The following CFLAR variants were observed in gnomAD, a reference collection of about 807,000 sequenced individuals.
CFLAR encodes the protein CASP8 and FADD like apoptosis regulator, also known as CASP8 and FADD-like apoptosis regulator.
In CFLAR, 14 loss-of-function variants were observed where a neutral mutation model predicts 51.1. The ratio of observed to expected loss-of-function variants is 0.27; its 90% CI spans 0.18 to 0.43. The LOEUF (loss-of-function observed/expected upper bound fraction) is 0.43. Ranked by LOEUF, CFLAR falls within the 20% of genes least tolerant of loss-of-function variation. The pLI, the probability that CFLAR is intolerant of heterozygous loss-of-function variation, is 1.00. For missense variants in CFLAR, 390 were observed against 566.5 expected (o/e 0.69, Z 3.16); for synonymous variants, 210 against 211.6 (o/e 0.99, Z 0.06).
Position 201,116,903 on chromosome 2 carries a change from C to G in CFLAR, c.-138+422C>G, listed in dbSNP as rs1410760018. ...GAAGTAACCCTTGGCCAACTCTGGC[C>G]GCCCCCTGCAGCCGCAGCCCCAGAG... On this transcript the variant is annotated intron_variant, in intron 1 of 9. Coordinates refer to ENST00000309955, the MANE Select transcript of CFLAR (RefSeq NM_003879.7). The surrounding 1 kb of genome is among the most constrained non-coding windows in gnomAD (Gnocchi z 4.8). 2 of 152,322 alleles carry G rather than the reference C, an allele frequency of 1.3e-5. No individual in the cohort carries two copies. The highest frequency in any genetic ancestry group is 4.8e-5 in the African/African-American group (2 of 41,464). 9.4% of individuals were successfully genotyped at this position (152,322 alleles called of 1,614,324 possible). A position where few individuals can be genotyped will look rare whatever the true frequency, so the allele number is the denominator to read the frequency against.
intron 8 of CFLAR, chr2:201,157,735 C>G (rs1040729874): frequency 6.6e-6 from 1 of 152,268 alleles, no homozygotes. Context: ...CAAACTGACT[C>G]AAAGTCACAC....
rs1217698019 is a variant in CFLAR at position 201,175,888 on chromosome 2, GA to G, written c.*11916del. On this transcript the variant is annotated 3_prime_UTR_variant, in exon 10 of 10. Coordinates refer to ENST00000309955, the MANE Select transcript of CFLAR (RefSeq NM_003879.7). ...GGAGGCTGAGGCAGGTGGATTACTTGAGGTCAGTAGTTCGAGACCAGCCTGG... is the reference window on the plus strand; with the variant it reads ...GGAGGCTGAGGCAGGTGGATTACTTGGGTCAGTAGTTCGAGACCAGCCTGG... 6.6e-6 allele frequency: 1 copy of G among 152,240 alleles called. No homozygotes were observed. Among genetic ancestry groups the G allele is most frequent in the Non-Finnish European group, 1.5e-5 (1 of 68,138 alleles). 9.4% of individuals were successfully genotyped at this position (152,240 alleles called of 1,614,324 possible).
Position 201,118,871 on chromosome 2 carries a change from TC to T in CFLAR, c.-138+2392del, listed in dbSNP as rs1280563821. ...GGGTGGGAGTTGGTCCCGGCGGAGATCCAGTGGGAAGAGCCGGCGGCTGCCC... is the reference window on the plus strand; with the variant it reads ...GGGTGGGAGTTGGTCCCGGCGGAGATCAGTGGGAAGAGCCGGCGGCTGCCC... On this transcript the variant is annotated intron_variant, in intron 1 of 9. Transcript: ENST00000309955. This position sits in a 1 kb window ranked among gnomAD's most constrained non-coding sequence, Gnocchi z 5.1. 2 of 152,282 alleles carry T rather than the reference TC, an allele frequency of 1.3e-5. No homozygotes were observed. Among genetic ancestry groups the T allele is most frequent in the Non-Finnish European group, 2.9e-5 (2 of 68,186 alleles). The allele number at this position is 152,282 out of a possible 1,614,324, so 9.4% of individuals were successfully genotyped here. A position where few individuals can be genotyped will look rare whatever the true frequency, so the allele number is the denominator to read the frequency against.
rs930577143 is a variant in CFLAR, at chr2:201,169,838, C to A, written c.*5865C>A. On this transcript the variant is annotated 3_prime_UTR_variant, in exon 10 of 10. Transcript: ENST00000309955. ...CAAAAGAAGACATTTATGTGGCCAA[C>A]AAACATATAAAAAAAAGCTCAACCT... is the stretch of plus-strand genomic sequence containing the variant. 5 of 151,990 alleles carry A rather than the reference C, an allele frequency of 3.3e-5. No homozygotes were observed. Among genetic ancestry groups the A allele is most frequent in the African/African-American group, 9.7e-5 (4 of 41,368 alleles). The allele number at this position is 151,990 out of a possible 1,614,324, so 9.4% of individuals were successfully genotyped here.
At position 201,132,364 on chromosome 2, in the gene CFLAR, G is replaced by C. The variant is rs1005558239; in HGVS notation, c.282-665G>C. ...TCATGGTAACAATACTAACCACAGGGTGTCCTTAGGAGCCCCAGAAAAGTG... is the reference window on the plus strand; with the variant it reads ...TCATGGTAACAATACTAACCACAGGCTGTCCTTAGGAGCCCCAGAAAAGTG... On this transcript the variant is annotated intron_variant, in intron 2 of 9. Coordinates refer to ENST00000309955, the MANE Select transcript of CFLAR (RefSeq NM_003879.7). Among the ~76,000 whole-genome samples the C allele has an allele frequency of 4.7e-4, 71 of 151,648 alleles. 1 individual carries two copies. The highest frequency in any genetic ancestry group is 1.7e-3 in the African/African-American group (71 of 41,170).
intron 3 of CFLAR, among the ~76,000 whole-genome samples, chr2:201,134,125 C>T (rs2049745218): frequency 1.3e-5 from 2 of 148,850 alleles, no homozygotes; most frequent in African/African-American, 5.0e-5. Flanking sequence ...CCTGGCCAAC[C>T]TGGTGAAACT....
intron 2 of CFLAR, 41 bp downstream of exon 2, chr2:201,130,187 G>GGCC: frequency 3.4e-6 from 1 of 292,392 alleles, no homozygotes; most frequent in Non-Finnish European, 7.1e-6. Flanking sequence ...GGGTGGGAGG[G>GGCC]AGTGAAGTGT....
intron 4 of CFLAR, chr2:201,140,024 T>G: frequency 3.2e-6 from 1 of 314,452 alleles, no homozygotes. Flanking sequence ...AGGTAGTCCC[T>G]CATGCTGCCG....
chr2:201,153,068 A>C (rs1559233839), intron 8 of CFLAR: 1 of 152,270 alleles, frequency 6.6e-6, no homozygotes, highest in Non-Finnish European at 1.5e-5. Context: ...ATTGCTGGAC[A>C]AGAGTAGGCC....
chr2:201,130,396 C>T (rs1433934967), intron 2 of CFLAR, among the ~76,000 whole-genome samples: 2 of 141,016 alleles, frequency 1.4e-5, no homozygotes, highest in African/African-American at 5.4e-5. Flanking sequence ...GAGTCTCACC[C>T]TGTTGCCCAG....
chr2:201,137,516 T>C (rs191250632), intron 4 of CFLAR: 5 of 644,496 alleles, frequency 7.8e-6, no homozygotes, highest in Non-Finnish European at 1.4e-5. Context: ...ACCGCTGTCC[T>C]CAGTACAGCC....
In CFLAR at chr2:201,167,683, CAGAAGGAA is replaced by C. The variant is rs1367032939; in HGVS notation, c.*3713_*3720del. The C allele has an allele frequency of 2.6e-5, 4 of 152,180 alleles. No homozygotes were observed. The highest frequency in any genetic ancestry group is 9.7e-5 in the African/African-American group (4 of 41,430). 9.4% of individuals were successfully genotyped at this position (152,180 alleles called of 1,614,324 possible). ...AGCTAAAACCCTGTGTTAATTATGA[CAGAAGGAA>C]AGTGTGTGAGAGAGATCTTAACTAC... On this transcript the variant is annotated 3_prime_UTR_variant, in exon 10 of 10. Coordinates refer to ENST00000309955, the MANE Select transcript of CFLAR (RefSeq NM_003879.7).
intron 4 of CFLAR, chr2:201,139,202 G>C: frequency 2.7e-6 from 1 of 367,044 alleles, no homozygotes; most frequent in Non-Finnish European, 5.1e-6. Flanking sequence ...GGCTGTGCAA[G>C]ATGTGCTTTG....
intron 8 of CFLAR, among the ~76,000 whole-genome samples, chr2:201,152,183 C>T (rs906264543): frequency 2.0e-4 from 31 of 151,948 alleles, no homozygotes; most frequent in Non-Finnish European, 3.5e-4. Context: ...TTAGTAGAGA[C>T]GGGGTTTCAC....
chr2:201,163,422 G>T, intron 9 of CFLAR: 1 of 1,115,222 alleles, frequency 9.0e-7, no homozygotes, highest in Non-Finnish European at 1.1e-6. Context: ...GTACCTCTGC[G>T]TACCCCAGGA....
intron 3 of CFLAR, among the ~76,000 whole-genome samples, chr2:201,135,276 A>G (rs1014785249): frequency 6.6e-6 from 1 of 152,198 alleles, no homozygotes; most frequent in Non-Finnish European, 1.5e-5. Context: ...GTCTTTCCCC[A>G]GCTACCTTTC....
At chr2:201,139,766 C>A (rs558221396) in intron 4 of CFLAR, 2 of 152,914 alleles carry the variant, frequency 1.3e-5, no homozygotes, top group Admixed American at 1.3e-4. Flanking sequence ...GCCACACCCC[C>A]CTCTCCGAGA....
intron 1 of CFLAR, among the ~76,000 whole-genome samples, chr2:201,128,965 A>T (rs6706980): frequency 0.29 from 44,002 of 152,008 alleles, 8,693 homozygotes; most frequent in African/African-American, 0.56. Flanking sequence ...TGTAACTTCC[A>T]GATGTTCCAC....
chr2:201,171,197 A>C lies in CFLAR; in HGVS notation c.*7224A>C, dbSNP rs1347181247. On this transcript the variant is annotated 3_prime_UTR_variant, in exon 10 of 10. Transcript: ENST00000309955. The stretch of plus-strand genomic sequence containing the variant: ...GGATAAAAGAATACAAATTGGGTTC[A>C]GTGTATACTGCTCAGGTGATGGGTG... 6.6e-6 allele frequency: 1 copy of C among 152,216 alleles called. No homozygotes were observed. The highest frequency in any genetic ancestry group is 1.5e-5 in the Non-Finnish European group (1 of 68,036). 9.4% of individuals were successfully genotyped at this position (152,216 alleles called of 1,614,324 possible).
Sources: gnomAD v4.1 joint callset for allele counts (sites outside exome capture counted in the v4.1 genomes callset) on GRCh38, gnomAD v4.1.1 for gene constraint, Gnocchi (gnomAD v3.1) non-coding constraint, MANE v1.5 for transcripts, NCBI Gene and HGNC (gene_info 2026-07-23, HGNC 2026-07-21) for gene names.